The following ARAP1 variants were observed in gnomAD, a reference collection of about 807,000 sequenced individuals.
ARAP1 encodes ArfGAP with RhoGAP domain, ankyrin repeat and PH domain 1, also known as arf-GAP with Rho-GAP domain, ANK repeat and PH domain-containing protein 1.
A neutral mutation model predicts 172.2 loss-of-function variants in ARAP1; 76 were observed. That is an observed-to-expected ratio of 0.44 (90% confidence interval 0.37 to 0.53). ARAP1 has a LOEUF of 0.53. ARAP1 is among the 20% of genes least tolerant of loss of function. The pLI is 0.00. For synonymous variants in ARAP1, 804 were observed against 803.3 expected (o/e 1.00, Z -0.01); for missense variants, 1,686 against 1,977.5 (o/e 0.85, Z 2.80).
At chr11:72,731,191 G>T (rs527483969) in intron 2 of ARAP1, among the ~76,000 whole-genome samples, 1 of 152,170 alleles carries the variant, frequency 6.6e-6, no homozygotes, top group South Asian at 2.1e-4. Context: ...GAGTTCACAG[G>T]GCCTGAAGTT....
intron 1 of ARAP1, among the ~76,000 whole-genome samples, chr11:72,748,557 T>C (rs949690954): frequency 1.3e-5 from 2 of 151,958 alleles, no homozygotes; most frequent in Non-Finnish European, 1.5e-5. Flanking sequence ...AACTGGTCAC[T>C]TAACTCCACG....
chr11:72,695,859 C>T lies in ARAP1; in HGVS notation c.3279G>A (p.Gln1093=). 4 of 1,611,750 alleles carry T rather than the reference C, an allele frequency of 2.5e-6. No homozygotes were observed. The highest frequency in any genetic ancestry group is 3.4e-6 in the Non-Finnish European group (4 of 1,178,688). The change falls in exon 24 of 35, where the codon CAG becomes CAA. Residue 1093 remains glutamine, a synonymous_variant. Transcript: ENST00000393609. The surrounding 1 kb of genome is among the most constrained non-coding windows in gnomAD (Gnocchi z 4.4). Reference sequence around the variant, plus strand: ...TCATCTGGTTCGTGTCTGAGAAGCACTGAACACTGGAGAGGGGAGGAGGAG... The same window carrying T: ...TCATCTGGTTCGTGTCTGAGAAGCATTGAACACTGGAGAGGGGAGGAGGAG... The part of the protein sequence containing the change: ...KALISHLYCV[Q]CFSDTNQMNV...
chr11:72,695,515 GC>G lies in ARAP1; in HGVS notation c.3507+26del, dbSNP rs759732843. 4.8e-5 allele frequency: 77 copies of G among 1,613,968 alleles called. 3 individuals carry two copies. In the South Asian group the frequency reaches 7.8e-4, roughly 16 times the overall value. The stretch of plus-strand genomic sequence containing the variant: ...AAATGGGTGCAGGTGGCAGGTCCAA[GC>G]CCCCCACCCAGGCTCCAGCCTTCAC... On this transcript the variant is annotated intron_variant, in intron 25 of 34. Transcript: ENST00000393609. This position sits in a 1 kb window ranked among gnomAD's most constrained non-coding sequence, Gnocchi z 4.4.
Position 72,705,933 on chromosome 11 carries a change from T to C in ARAP1, c.1724-43A>G, listed in dbSNP as rs201552870. 3 of 1,602,506 alleles carry C rather than the reference T, an allele frequency of 1.9e-6. No homozygotes were observed. In the South Asian group the frequency reaches 3.3e-5, roughly 18 times the overall value. ...GACCCAGAATCACCTGGGCCCCCCCTTCACGGGAGCACTTACCCACCCCCA... is the reference window on the plus strand; with the variant it reads ...GACCCAGAATCACCTGGGCCCCCCCCTCACGGGAGCACTTACCCACCCCCA... On this transcript the variant is annotated intron_variant, in intron 12 of 34. Transcript: ENST00000393609.
chr11:72,689,769 G>A (rs542561891), intron 30 of ARAP1, among the ~76,000 whole-genome samples: 1 of 152,216 alleles, frequency 6.6e-6, no homozygotes, highest in Admixed American at 6.5e-5. Flanking sequence ...ATGGCCATGT[G>A]CCCAGGAGGG....
intron 34 of ARAP1, 169 bp from the exon 35 acceptor site, chr11:72,685,850 A>G: frequency 7.5e-7 from 1 of 1,341,104 alleles, no homozygotes; most frequent in Non-Finnish European, 1.0e-6. Flanking sequence ...CCCAGCTTCC[A>G]GGGCCAGGCA....
chr11:72,716,914 G>A (rs1310764843), intron 3 of ARAP1, among the ~76,000 whole-genome samples: 2 of 152,182 alleles, frequency 1.3e-5, no homozygotes, highest in African/African-American at 4.8e-5. Context: ...GTCTTGAGTC[G>A]GAACGTACTC....
intron 19 of ARAP1, 68 bp from the exon 20 acceptor site, chr11:72,697,717 G>C: frequency 6.3e-7 from 1 of 1,599,848 alleles, no homozygotes; most frequent in South Asian, 1.1e-5. Flanking sequence ...CCCTCCCTCT[G>C]TGAGCACACA....
intron 22 of ARAP1, 142 bp downstream of exon 22, chr11:72,696,841 G>A: frequency 9.9e-7 from 1 of 1,012,860 alleles, no homozygotes; most frequent in Non-Finnish European, 1.4e-6. Flanking sequence ...GTATGGAGCG[G>A]CGATGGGAAT....
intron 1 of ARAP1, among the ~76,000 whole-genome samples, chr11:72,750,954 G>A (rs959102645): frequency 2.0e-5 from 3 of 152,208 alleles, no homozygotes; most frequent in African/African-American, 7.2e-5. Context: ...GTTGGGAGGA[G>A]GATTAACAAT....
At position 72,695,023 on chromosome 11, in the gene ARAP1, C is replaced by T; in HGVS notation, c.3651G>A (p.Lys1217=). The change falls in exon 27 of 35, where the codon AAG becomes AAA. Residue 1217 remains lysine (K), a synonymous_variant. Transcript: ENST00000393609. The surrounding 1 kb of genome is among the most constrained non-coding windows in gnomAD (Gnocchi z 4.4). ...TGACCTCAAAGCAGGTCCAATAGTC[C>T]TTCTCCCTGATGCCCACGTTCCGGC... ...LDRRNVGIRE[K]DYWTCFEVNE... 1 of 1,614,170 alleles carries T rather than the reference C, an allele frequency of 6.2e-7. No homozygotes were observed. The highest frequency in any genetic ancestry group is 8.5e-7 in the Non-Finnish European group (1 of 1,180,018).
chr11:72,736,339 C>T lies in ARAP1; in HGVS notation c.-127-3742G>A, dbSNP rs12284159. 8.8e-3 allele frequency among the ~76,000 whole-genome samples: 1,323 copies of T among 150,322 alleles called. 34 individuals are homozygous for T. Among genetic ancestry groups the T allele is most frequent in the African/African-American group, 0.029 (1,185 of 40,800 alleles). On this transcript the variant is annotated intron_variant, in intron 1 of 34. Coordinates refer to ENST00000393609, the MANE Select transcript of ARAP1 (RefSeq NM_001040118.3). Reference sequence around the variant, plus strand: ...CTCACTGCAGCCTCAACCTCCTGGGCTCAAGTGATCCTCCCACCTCCCCCT... The same window carrying T: ...CTCACTGCAGCCTCAACCTCCTGGGTTCAAGTGATCCTCCCACCTCCCCCT...
At chr11:72,729,539 G>A (rs776735362) in intron 2 of ARAP1, among the ~76,000 whole-genome samples, 26 of 152,060 alleles carry the variant, frequency 1.7e-4, no homozygotes, top group African/African-American at 5.8e-4. Context: ...ACAGTGAGCC[G>A]AGATCACTGC....
Position 72,697,451 on chromosome 11 carries a change from A to C in ARAP1, c.2825T>G (p.Phe942Cys), listed in dbSNP as rs1278078579. ...CTGGATGGCCCCCAGCCAACCCATG[A>C]AGTCCAGCCGCCGCTCGCCCTGTAT... is the stretch of plus-strand genomic sequence containing the variant. ...LYIQGERRLD[F>C]MGWLGAIQKA... Residue 942 changes from phenylalanine (F) to cysteine (C), a missense_variant, in exon 21 of 35, where the codon TTC becomes TGC. Around this residue, in one of 5 missense-constraint regions of ARAP1, gnomAD observed 274 missense variants for 262.7 expected, o/e 1.04. Coordinates refer to ENST00000393609, the MANE Select transcript of ARAP1 (RefSeq NM_001040118.3). 1 of 1,613,034 alleles carries C rather than the reference A, an allele frequency of 6.2e-7. No individual in the cohort carries two copies. The highest frequency in any genetic ancestry group is 2.2e-5 in the East Asian group (1 of 44,878).
Position 72,727,012 on chromosome 11 carries a change from T to A in ARAP1, c.117A>T (p.Gln39His). 2 of 1,608,806 alleles carry A rather than the reference T, an allele frequency of 1.2e-6. No homozygotes were observed. Among genetic ancestry groups the A allele is most frequent in the Non-Finnish European group, 1.7e-6 (2 of 1,177,946 alleles). Residue 39 changes from glutamine (Q) to histidine (H), a missense_variant, in exon 3 of 35, where the codon CAA becomes CAT. Transcript: ENST00000393609. ...CCATCAGGCGGGTGTCGCTGAGGCCTTGGCACTCAGTGGCCCACACCAGGC... is the reference window on the plus strand; with the variant it reads ...CCATCAGGCGGGTGTCGCTGAGGCCATGGCACTCAGTGGCCCACACCAGGC... ...QHGLVWATEC[Q>H]GLSDTRLMDM...
chr11:72,703,916 C>A, intron 14 of ARAP1: 1 of 560,856 alleles, frequency 1.8e-6, no homozygotes, highest in African/African-American at 1.9e-5. Flanking sequence ...GGGAGAGAGA[C>A]AGACAGATGC....
chr11:72,705,735 G>A (rs565700361), intron 13 of ARAP1, 70 bp downstream of exon 13: 1 of 1,511,620 alleles, frequency 6.6e-7, no homozygotes. Flanking sequence ...TAGGGAGGGG[G>A]CTGGGAGACC....
intron 18 of ARAP1, 125 bp downstream of exon 18, chr11:72,698,880 T>A: frequency 2.9e-6 from 3 of 1,020,402 alleles, no homozygotes; most frequent in Non-Finnish European, 4.5e-6. Context: ...GCCCGCTCCA[T>A]GTCTGCTGCC....
chr11:72,736,474 C>T (rs563646517), intron 1 of ARAP1, among the ~76,000 whole-genome samples: 8 of 152,214 alleles, frequency 5.3e-5, no homozygotes, highest in Middle Eastern at 3.4e-3. Context: ...TTGCTCTACC[C>T]TAATCCAAGC....
Sources: allele counts gnomAD v4.1 joint callset (sites outside exome capture counted in the v4.1 genomes callset), GRCh38; gene constraint gnomAD v4.1.1; regional missense constraint gnomAD v4.1.1; non-coding constraint Gnocchi (gnomAD v3.1); transcripts MANE v1.5; gene names NCBI Gene and HGNC (gene_info 2026-07-23, HGNC 2026-07-21).